MTG1: variants seen among roughly 807,000 people sequenced by gnomAD.
MTG1 encodes the protein mitochondrial ribosome associated GTPase 1, also known as mitochondrial ribosome-associated GTPase 1.
Under a neutral mutation model 39.5 loss-of-function variants are expected in MTG1, and 30 were observed. That is an observed-to-expected ratio of 0.76 (90% CI 0.57 to 1.03). MTG1 has a LOEUF of 1.03. MTG1 is among the 50% of genes least tolerant of loss of function. The probability of loss-of-function intolerance (pLI) is 0.00; values close to 1 mark genes in which losing one functional copy is unlikely to be tolerated. For missense variants in MTG1, 513 were observed against 447.4 expected (o/e 1.15, Z -1.32); for synonymous variants, 217 against 179.0 (o/e 1.21, Z -1.69).
At chr10:133,398,350 A>C in intron 3 of MTG1, 85 bp from the exon 4 acceptor site, 1 of 1,365,848 alleles carries the variant, frequency 7.3e-7, no homozygotes, top group East Asian at 2.4e-5. Flanking sequence ...CAGGGAGCCG[A>C]GATTGTGCTA....
intron 9 of MTG1, among the ~76,000 whole-genome samples, chr10:133,416,013 G>A (rs1004758625): frequency 3.0e-5 from 4 of 134,726 alleles, no homozygotes; most frequent in South Asian, 2.6e-4. Flanking sequence ...GGCGGGTGTC[G>A]GGCACGTGGG....
rs543989338 is a variant in MTG1, at chr10:133,402,512, C to A, written c.671-180C>A. On this transcript the variant is annotated intron_variant, in intron 8 of 10. Coordinates refer to ENST00000317502, the MANE Select transcript of MTG1 (RefSeq NM_138384.4). The surrounding 1 kb of genome is among the most constrained non-coding windows in gnomAD (Gnocchi z 4.7). ...AGAGAGGTTGGTCGCAGGTGCCAGG[C>A]AGGAGTGGGGGCCGGGACCACAGCC... The A allele has an allele frequency of 4.6e-5, 32 of 701,528 alleles. No homozygotes were observed. In the South Asian group the frequency reaches 4.9e-4, roughly 11 times the overall value. 43.5% of individuals were successfully genotyped at this position (701,528 alleles called of 1,614,324 possible).
chr10:133,417,663 A>T (rs1226917282), intron 9 of MTG1, among the ~76,000 whole-genome samples: 1 of 152,062 alleles, frequency 6.6e-6, no homozygotes, highest in African/African-American at 2.4e-5. Context: ...TTAAGCTGAT[A>T]AGCAACTTCA....
At position 133,402,559 on chromosome 10, in the gene MTG1, T is replaced by G; in HGVS notation, c.671-133T>G. The G allele has an allele frequency of 1.2e-6, 1 of 842,496 alleles. No homozygotes were observed. The highest frequency in any genetic ancestry group is 1.9e-6 in the Non-Finnish European group (1 of 534,990). The allele number at this position is 842,496 out of a possible 1,614,324, so 52.2% of individuals were successfully genotyped here. On this transcript the variant is annotated intron_variant, in intron 8 of 10. Coordinates refer to ENST00000317502, the MANE Select transcript of MTG1 (RefSeq NM_138384.4). This position sits in a 1 kb window ranked among gnomAD's most constrained non-coding sequence, Gnocchi z 4.7. ...AGCCGAGTGCCGTCCTCTTGGTTAG[T>G]GTCTTTGTCAGTGGCTGGCCTCTTC...
Position 133,421,559 on chromosome 10 carries a change from G to C in MTG1, c.*1394G>C, listed in dbSNP as rs1850236226. The stretch of plus-strand genomic sequence containing the variant: ...TGGCCTTGGCCTGCTGGTCTTGGAG[G>C]CGTTGAGCTTGGTCTGGAAGGGGTG... On this transcript the variant is annotated 3_prime_UTR_variant, in exon 11 of 11. Transcript: ENST00000317502. 6.5e-6 allele frequency: 1 copy of C among 153,350 alleles called. No individual in the cohort carries two copies. Among genetic ancestry groups the C allele is most frequent in the Non-Finnish European group, 1.5e-5 (1 of 68,618 alleles). The allele number at this position is 153,350 out of a possible 1,614,324, so 9.5% of individuals were successfully genotyped here. A position where few individuals can be genotyped will look rare whatever the true frequency, so the allele number is the denominator to read the frequency against.
rs758494978 is a variant in MTG1 at position 133,401,484 on chromosome 10, T to C, written c.512-45T>C. 4.1e-5 allele frequency: 61 copies of C among 1,491,480 alleles called. No individual in the cohort carries two copies. The East Asian group carries it at 1.4e-3, about 34-fold the overall frequency. 92.4% of individuals were successfully genotyped at this position (1,491,480 alleles called of 1,614,324 possible). A position where few individuals can be genotyped will look rare whatever the true frequency, so the allele number is the denominator to read the frequency against. Reference sequence around the variant, plus strand: ...GTCTCCCTACTTGTTCTGCAGCTTCTGTGTTTAGTATACATTTGAGCCTCC... The same window carrying C: ...GTCTCCCTACTTGTTCTGCAGCTTCCGTGTTTAGTATACATTTGAGCCTCC... On this transcript the variant is annotated intron_variant, in intron 6 of 10. Transcript: ENST00000317502.
chr10:133,419,794 A>G (rs1337486347), intron 10 of MTG1, among the ~76,000 whole-genome samples: 1 of 152,188 alleles, frequency 6.6e-6, no homozygotes, highest in Non-Finnish European at 1.5e-5. Flanking sequence ...GGGTGAGACC[A>G]GCCCTGCCGC....
At chr10:133,394,703 T>G in intron 1 of MTG1, 2 of 1,067,220 alleles carry the variant, frequency 1.9e-6, no homozygotes, top group Non-Finnish European at 2.3e-6. Context: ...CTTTTCTGAG[T>G]CTTTTGGGGA....
chr10:133,414,842 C>T (rs574727201), intron 9 of MTG1, among the ~76,000 whole-genome samples: 9 of 152,190 alleles, frequency 5.9e-5, no homozygotes, highest in Admixed American at 3.3e-4. Flanking sequence ...TGTAGCGAGC[C>T]GAGATCACAC....
At chr10:133,401,446 GT>G in intron 6 of MTG1, 82 bp from the exon 7 acceptor site, 1 of 1,230,968 alleles carries the variant, frequency 8.1e-7, no homozygotes, top group Non-Finnish European at 1.1e-6. Flanking sequence ...GGTCAGATGT[GT>G]TTGTTACATA....
At chr10:133,419,043 C>T (rs185026083) in intron 9 of MTG1, among the ~76,000 whole-genome samples, 68 of 152,326 alleles carry the variant, frequency 4.5e-4, no homozygotes, top group African/African-American at 1.5e-3. Flanking sequence ...TGGAAGTTAC[C>T]GAGTGCCATC....
intron 9 of MTG1, among the ~76,000 whole-genome samples, chr10:133,409,739 C>T (rs1850018301): frequency 6.6e-6 from 1 of 152,154 alleles, no homozygotes; most frequent in Non-Finnish European, 1.5e-5. Context: ...GTTATATCTG[C>T]TTGCTGAATT....
chr10:133,404,915 C>T (rs1187723914), intron 9 of MTG1, among the ~76,000 whole-genome samples: 1 of 152,206 alleles, frequency 6.6e-6, no homozygotes, highest in Non-Finnish European at 1.5e-5. Context: ...GTCTTGGTAA[C>T]TGCTTCTAAT....
chr10:133,405,475 C>G (rs908483413), intron 9 of MTG1, among the ~76,000 whole-genome samples: 1 of 152,198 alleles, frequency 6.6e-6, no homozygotes, highest in African/African-American at 2.4e-5. Context: ...CCGAACTATT[C>G]ATTAATCAAC....
At chr10:133,413,959 G>A (rs1304150328) in intron 9 of MTG1, among the ~76,000 whole-genome samples, 6 of 141,212 alleles carry the variant, frequency 4.2e-5, no homozygotes, top group East Asian at 2.0e-4. Context: ...GGTGTTTCTC[G>A]CAGAGGGGGA....
At chr10:133,395,950 A>G (rs945139856) in intron 2 of MTG1, among the ~76,000 whole-genome samples, 173 bp downstream of exon 2, 3 of 152,178 alleles carry the variant, frequency 2.0e-5, no homozygotes, top group Non-Finnish European at 2.9e-5. Context: ...TTGTTAATAC[A>G]TATATCTGCG....
intron 9 of MTG1, among the ~76,000 whole-genome samples, chr10:133,406,183 T>C (rs1448521572): frequency 5.9e-5 from 9 of 152,256 alleles, no homozygotes; most frequent in South Asian, 2.1e-4. Context: ...TAAATAGTTA[T>C]GTGGTTTTTT....
At chr10:133,419,458 C>G in intron 9 of MTG1, 22 bp from the exon 10 acceptor site, 1 of 1,567,742 alleles carries the variant, frequency 6.4e-7, no homozygotes, top group Non-Finnish European at 8.6e-7. Context: ...CCCCCTGGTG[C>G]TGACCTGCAG....
At position 133,420,171 on chromosome 10, in the gene MTG1, T is replaced by C. The variant is rs59554799; in HGVS notation, c.*6T>C. The stretch of plus-strand genomic sequence containing the variant: ...CGGCTGAGACTTTGCCCTGAACTTG[T>C]CCGGGTAGGGAGGGCCGGAGGCATG... On this transcript the variant is annotated 3_prime_UTR_variant, in exon 11 of 11. Transcript: ENST00000317502. 1 of 1,605,664 alleles carries C rather than the reference T, an allele frequency of 6.2e-7. No homozygotes were observed. The highest frequency in any genetic ancestry group is 1.3e-5 in the African/African-American group (1 of 74,934).
Sources: allele counts gnomAD v4.1 joint callset (sites outside exome capture counted in the v4.1 genomes callset), GRCh38; gene constraint gnomAD v4.1.1; non-coding constraint Gnocchi (gnomAD v3.1); transcripts MANE v1.5; gene names NCBI Gene and HGNC (gene_info 2026-07-23, HGNC 2026-07-21).